The following ERICH3 variants were observed in gnomAD, a reference collection of about 807,000 sequenced individuals.
ERICH3 encodes glutamate rich 3.
In ERICH3, 126 loss-of-function variants were observed where a neutral mutation model predicts 131.1. The observed-to-expected ratio is 0.96, with a 90% CI of 0.83 to 1.11. The LOEUF is 1.11. Among genes scored for constraint, ERICH3 ranks in the 50% most tolerant of loss-of-function variants. ERICH3 has a pLI of 0.00. For synonymous variants in ERICH3, 695 were observed against 644.6 expected, an observed-to-expected ratio of 1.08 and a Z score of -1.18; for missense variants, 2,050 against 1,810.7, an observed-to-expected ratio of 1.13 and a Z score of -2.40.
intron 8 of ERICH3, among the ~76,000 whole-genome samples, chr1:74,617,388 G>C (rs1649018312): frequency 6.6e-6 from 1 of 152,122 alleles, no homozygotes; most frequent in Admixed American, 6.5e-5. Context: ...AGAGCAACAT[G>C]TATCTACCCA....
At chr1:74,633,380 C>T (rs1001464539) in intron 6 of ERICH3, among the ~76,000 whole-genome samples, 6 of 151,204 alleles carry the variant, frequency 4.0e-5, no homozygotes, top group South Asian at 2.1e-4. Flanking sequence ...TAAAGGAGTA[C>T]GTTTATATTG....
chr1:74,651,860 T>G (rs1646537637), intron 1 of ERICH3, among the ~76,000 whole-genome samples: 1 of 152,168 alleles, frequency 6.6e-6, no homozygotes, highest in African/African-American at 2.4e-5. Flanking sequence ...CTTTAATATT[T>G]AGATCCTAAT....
At position 74,641,427 on chromosome 1, in the gene ERICH3, G is replaced by T; in HGVS notation, c.348C>A (p.Asn116Lys). Residue 116 changes from asparagine (N) to lysine (K), a missense_variant, in exon 5 of 15, where the codon AAC becomes AAA. By Grantham distance (94) the Asn-to-Lys change is moderately conservative (BLOSUM62 0). Transcript: ENST00000326665. Reference sequence around the variant, plus strand: ...GTGGGTGGGGAGACAGGATTGGCATGTTATTTTCAACAGACCTTCTTGTGT... The same window carrying T: ...GTGGGTGGGGAGACAGGATTGGCATTTTATTTTCAACAGACCTTCTTGTGT... The part of the protein sequence containing the change: ...GEHTRRSVEN[N>K]MPILSPHPPV... 6.2e-7 allele frequency: 1 copy of T among 1,610,734 alleles called. No homozygotes were observed.
chr1:74,636,466 T>G, intron 5 of ERICH3, 28 bp from the exon 6 acceptor site: 1 of 1,581,946 alleles, frequency 6.3e-7, no homozygotes, highest in Non-Finnish European at 8.6e-7. Context: ...AAAATTCCAT[T>G]TAAATTAGTA....
upstream of ERICH3, among the ~76,000 whole-genome samples, chr1:74,674,294 C>T (rs1359937678): frequency 1.3e-5 from 2 of 152,106 alleles, no homozygotes; most frequent in Non-Finnish European, 2.9e-5. Flanking sequence ...CAGTAAAGCA[C>T]CCAGAAACAG....
chr1:74,571,951 T>C lies in ERICH3; in HGVS notation c.3759A>G (p.Gly1253=). The part of the protein sequence containing the change: ...LAAKDHDSCA[G]LEGRAEGQGG... ...CTTGCCCTTCAGCTCTCCCCTCCAG[T>C]CCTGCGCAGGAGTCGTGATCTTTGG... is the stretch of plus-strand genomic sequence containing the variant. The change falls in exon 14 of 15, where the codon GGA becomes GGG. Residue 1253 remains glycine (G), a synonymous_variant. Coordinates refer to ENST00000326665, the MANE Select transcript of ERICH3 (RefSeq NM_001002912.5). The C allele has an allele frequency of 6.2e-7, 1 of 1,613,708 alleles. No homozygotes were observed. Among genetic ancestry groups the C allele is most frequent in the Non-Finnish European group, 8.5e-7 (1 of 1,180,016 alleles).
In ERICH3 at chr1:74,636,396, G is replaced by T; in HGVS notation, c.487C>A (p.Pro163Thr). Reference protein sequence around the residue: ...PYTAPGNMQPPIRLQPLPSNP... With the variant: ...PYTAPGNMQPTIRLQPLPSNP... ...CTGGGAAGAGGCTGTAATCGAATTG[G>T]AGGCTGCATATTTCCTGGAGCAGTA... Residue 163 changes from proline (P) to threonine (T), a missense_variant, in exon 6 of 15, where the codon CCA becomes ACA. Transcript: ENST00000326665. 1 of 1,612,936 alleles carries T rather than the reference G, an allele frequency of 6.2e-7. No homozygotes were observed.
intron 1 of ERICH3, among the ~76,000 whole-genome samples, chr1:74,656,112 T>A (rs969916850): frequency 2.6e-5 from 4 of 152,142 alleles, no homozygotes; most frequent in African/African-American, 9.7e-5. Flanking sequence ...TCCCAGGCAC[T>A]GAAAAAGTTA....
chr1:74,611,920 AT>A (rs1486067545), intron 9 of ERICH3, among the ~76,000 whole-genome samples: 4 of 152,164 alleles, frequency 2.6e-5, no homozygotes, highest in Admixed American at 6.5e-5. Context: ...TAGGTACGTT[AT>A]TAGCTTTTCC....
intron 2 of ERICH3, among the ~76,000 whole-genome samples, chr1:74,647,650 C>T (rs943661174): frequency 1.3e-5 from 2 of 152,020 alleles, no homozygotes; most frequent in African/African-American, 4.8e-5. Context: ...AAGAGTGTTA[C>T]CCATACGGAT....
chr1:74,607,647 G>A (rs1211932734), intron 9 of ERICH3, among the ~76,000 whole-genome samples: 1 of 151,854 alleles, frequency 6.6e-6, no homozygotes, highest in Non-Finnish European at 1.5e-5. Flanking sequence ...CTCAAAAATG[G>A]CAGTAATTTA....
Position 74,571,438 on chromosome 1 carries a change from T to A in ERICH3, c.4272A>T (p.Thr1424=), listed in dbSNP as rs760654418. ...EVPAAEEMTV[T]YTTEAGVGTP... Reference sequence around the variant, plus strand: ...TGCCCACCCCAGCCTCTGTTGTATATGTCACTGTCATCTCCTCTGCTGCTG... The same window carrying A: ...TGCCCACCCCAGCCTCTGTTGTATAAGTCACTGTCATCTCCTCTGCTGCTG... Residue 1424 remains threonine (T), a synonymous_variant, in exon 14 of 15, where the codon ACA becomes ACT. Coordinates refer to ENST00000326665, the MANE Select transcript of ERICH3 (RefSeq NM_001002912.5). 1.2e-6 allele frequency: 2 copies of A among 1,614,036 alleles called. No individual in the cohort carries two copies. The highest frequency in any genetic ancestry group is 1.1e-5 in the South Asian group (1 of 91,066).
intron 11 of ERICH3, among the ~76,000 whole-genome samples, chr1:74,597,168 T>A (rs562336615): frequency 6.6e-6 from 1 of 152,122 alleles, no homozygotes; most frequent in African/African-American, 2.4e-5. Flanking sequence ...CATGTCATTA[T>A]CATTTTTAAT....
intron 8 of ERICH3, among the ~76,000 whole-genome samples, chr1:74,617,174 C>A (rs201933326): frequency 1.2e-3 from 168 of 138,052 alleles, no homozygotes; most frequent in Non-Finnish European, 1.3e-3. Flanking sequence ...AAAAAACAAA[C>A]AAAAAAAAAA....
chr1:74,579,852 T>G, intron 12 of ERICH3: 1 of 985,214 alleles, frequency 1.0e-6, no homozygotes. Flanking sequence ...TGATTGTCAG[T>G]TCTCACAGCA....
At chr1:74,649,071 T>G (rs907055534) in intron 2 of ERICH3, 151 bp downstream of exon 2, 1 of 537,578 alleles carries the variant, frequency 1.9e-6, no homozygotes, top group African/African-American at 1.9e-5. Context: ...TCAAACAACC[T>G]CAAATACATA....
At chr1:74,602,241 G>T (rs1277544109) in intron 10 of ERICH3, among the ~76,000 whole-genome samples, 1 of 151,872 alleles carries the variant, frequency 6.6e-6, no homozygotes, top group Non-Finnish European at 1.5e-5. Context: ...AGTCAAGGCT[G>T]CCCTGGCTTT....
chr1:74,669,093 T>A (rs1341091025), intron 1 of ERICH3, among the ~76,000 whole-genome samples: 3 of 152,190 alleles, frequency 2.0e-5, no homozygotes, highest in African/African-American at 7.2e-5. Flanking sequence ...ATTGACAGCT[T>A]GACCTAACGG....
rs748235847 is a variant in ERICH3 at position 74,612,606 on chromosome 1, G to A, written c.1187+17C>T. On this transcript the variant is annotated intron_variant, in intron 9 of 14. Transcript: ENST00000326665. ...TAGCAAAACTTGCCCTCTACCAAAGGACATTTGTTTCCATACTTGTAGCAA... is the reference window on the plus strand; with the variant it reads ...TAGCAAAACTTGCCCTCTACCAAAGAACATTTGTTTCCATACTTGTAGCAA... The A allele has an allele frequency of 8.5e-6, 13 of 1,527,526 alleles. No individual in the cohort carries two copies. In the South Asian group the frequency reaches 1.5e-4, roughly 18 times the overall value. 94.6% of individuals were successfully genotyped at this position (1,527,526 alleles called of 1,614,324 possible). A position where few individuals can be genotyped will look rare whatever the true frequency, so the allele number is the denominator to read the frequency against.
Sources: allele counts gnomAD v4.1 joint callset (sites outside exome capture counted in the v4.1 genomes callset), GRCh38; gene constraint gnomAD v4.1.1; transcripts MANE v1.5; gene names NCBI Gene and HGNC (gene_info 2026-07-23, HGNC 2026-07-21).